The following SYNE1 variants were observed in gnomAD, a reference collection of about 807,000 sequenced individuals.
SYNE1 encodes spectrin repeat containing nuclear envelope protein 1, also known as nesprin-1.
Under a neutral mutation model 1,111.0 loss-of-function variants are expected in SYNE1, and 616 were observed. The ratio of observed to expected loss-of-function variants is 0.55; its 90% CI spans 0.52 to 0.59. The LOEUF is 0.59. Ranked by LOEUF, SYNE1 falls within the 20% of genes least tolerant of loss-of-function variation. The pLI is 0.00. For missense variants in SYNE1, 10,006 were observed against 10,417.0 expected (o/e 0.96, Z 1.72); for synonymous variants, 3,855 against 3,825.8 (o/e 1.01, Z -0.28).
intron 65 of SYNE1, 61 bp from the exon 66 acceptor site, chr6:152,358,598 G>C: frequency 6.5e-7 from 1 of 1,543,920 alleles, no homozygotes; most frequent in Non-Finnish European, 8.9e-7. Context: ...GCATCAGTGT[G>C]CTGTAATTCA....
chr6:152,327,613 G>A (rs936390802), intron 78 of SYNE1, among the ~76,000 whole-genome samples: 1 of 152,154 alleles, frequency 6.6e-6, no homozygotes, highest in Admixed American at 6.5e-5. Flanking sequence ...AAAGAACAGG[G>A]ACAGCAAAGC....
At chr6:152,235,195 A>G (rs1351856030) in intron 110 of SYNE1, among the ~76,000 whole-genome samples, 2 of 152,020 alleles carry the variant, frequency 1.3e-5, no homozygotes, top group Non-Finnish European at 2.9e-5. Context: ...TTCTCAATCC[A>G]TGTTTTCTCT....
At position 152,404,322 on chromosome 6, in the gene SYNE1, A is replaced by G. The variant is rs1295063082; in HGVS notation, c.6724-8T>C. On this transcript the variant is annotated splice_polypyrimidine_tract_variant and splice_region_variant and intron_variant, in intron 45 of 145. Transcript: ENST00000367255. ...TTTGTTTTTAACTTCAGACTGCCAA[A>G]AGGGAAGAAACATAACTAATCAAAA... 2 of 1,597,772 alleles carry G rather than the reference A, an allele frequency of 1.3e-6. No homozygotes were observed. Among genetic ancestry groups the G allele is most frequent in the Non-Finnish European group, 1.7e-6 (2 of 1,167,244 alleles).
intron 64 of SYNE1, among the ~76,000 whole-genome samples, chr6:152,360,539 A>G (rs1273507451): frequency 1.3e-5 from 2 of 151,414 alleles, no homozygotes; most frequent in African/African-American, 4.9e-5. Context: ...CTCACACCAC[A>G]CTACTTTTTT....
At chr6:152,192,380 T>C (rs919072747) in intron 127 of SYNE1, among the ~76,000 whole-genome samples, 5 of 152,144 alleles carry the variant, frequency 3.3e-5, no homozygotes, top group African/African-American at 1.2e-4. Context: ...TTGGGTCTAA[T>C]GTCTCTCTTT....
intron 13 of SYNE1, 66 bp from the exon 14 acceptor site, chr6:152,483,315 C>A: frequency 7.4e-7 from 1 of 1,347,786 alleles, no homozygotes. Context: ...AAATTGCACC[C>A]AAATAATAGT....
Position 152,483,231 on chromosome 6 carries a change from G to C in SYNE1, c.1204C>G (p.Gln402Glu). 1 of 1,614,128 alleles carries C rather than the reference G, an allele frequency of 6.2e-7. No individual in the cohort carries two copies. Among genetic ancestry groups the C allele is most frequent in the Non-Finnish European group, 8.5e-7 (1 of 1,179,986 alleles). The change falls in exon 14 of 146, where the codon CAG (glutamine) becomes GAG (glutamate). Residue 402 changes from glutamine to glutamate, a missense_variant. This residue lies in a region of SYNE1 where 1,971 missense variants were observed against 2,084.1 expected (regional missense o/e 0.95). Transcript: ENST00000367255. Reference sequence around the variant, plus strand: ...GGTGCAGGAAGAGATTTATCAAGCTGTATATGCCAGTCAAAGAGCTAAAAT... The same window carrying C: ...GGTGCAGGAAGAGATTTATCAAGCTCTATATGCCAGTCAAAGAGCTAAAAT... Reference protein sequence around the residue: ...VTSRLFDWHIQLDKSLPAPLG... With the variant: ...VTSRLFDWHIELDKSLPAPLG...
intron 3 of SYNE1, among the ~76,000 whole-genome samples, chr6:152,571,570 TA>T (rs1339321737): frequency 6.6e-6 from 1 of 151,638 alleles, no homozygotes; most frequent in Non-Finnish European, 1.5e-5. Flanking sequence ...CTTTTTACCC[TA>T]AAAAAAAGGA....
At chr6:152,296,821 T>C (rs541076622) in intron 93 of SYNE1, among the ~76,000 whole-genome samples, 33 of 152,324 alleles carry the variant, frequency 2.2e-4, no homozygotes, top group East Asian at 1.7e-3. Flanking sequence ...AGAGGAGACA[T>C]TGCCTCATTT....
At chr6:152,455,774 A>G in intron 23 of SYNE1, 112 bp downstream of exon 23, 3 of 1,487,718 alleles carry the variant, frequency 2.0e-6, no homozygotes, top group Non-Finnish European at 2.8e-6. Context: ...ATTGGCTTCC[A>G]AACACCAGCA....
chr6:152,430,728 A>C lies in SYNE1; in HGVS notation c.4462-19T>G. 1 of 1,609,064 alleles carries C rather than the reference A, an allele frequency of 6.2e-7. No homozygotes were observed. Among genetic ancestry groups the C allele is most frequent in the Non-Finnish European group, 8.5e-7 (1 of 1,175,746 alleles). On this transcript the variant is annotated intron_variant, in intron 34 of 145. Coordinates refer to ENST00000367255, the MANE Select transcript of SYNE1 (RefSeq NM_182961.4). Reference sequence around the variant, plus strand: ...TTGTGACCTAATAGTTAAAACAAGAAAAATGACAATGTAGGCTGAGCAAGC... The same window carrying C: ...TTGTGACCTAATAGTTAAAACAAGACAAATGACAATGTAGGCTGAGCAAGC...
Position 152,293,669 on chromosome 6 carries a change from C to T in SYNE1, c.17931G>A (p.Thr5977=), listed in dbSNP as rs761522466. 8.1e-6 allele frequency: 13 copies of T among 1,613,928 alleles called. No homozygotes were observed. Among genetic ancestry groups the T allele is most frequent in the African/African-American group, 2.7e-5 (2 of 74,910 alleles). Residue 5977 remains threonine (T), a synonymous_variant, in exon 95 of 146, where the codon ACG becomes ACA. Coordinates refer to ENST00000367255, the MANE Select transcript of SYNE1 (RefSeq NM_182961.4). ...GTTTCAGCTCAATGGCCTCCATCTT[C>T]GTAGAGATGGACTGGAGGGAGTCCT... The part of the protein sequence containing the change: ...KYQDSLQSIS[T]KMEAIELKLS...
At chr6:152,352,992 T>C (rs2096768658) in intron 69 of SYNE1, among the ~76,000 whole-genome samples, 1 of 152,228 alleles carries the variant, frequency 6.6e-6, no homozygotes. Context: ...GAGAAAGTTT[T>C]CTCTTAATAT....
At chr6:152,532,646 G>T (rs755278005) in intron 4 of SYNE1, among the ~76,000 whole-genome samples, 3 of 152,094 alleles carry the variant, frequency 2.0e-5, no homozygotes, top group Non-Finnish European at 2.9e-5. Flanking sequence ...CATGTAGGGA[G>T]GTCTCAAGGC....
At chr6:152,562,161 T>G (rs112007706) in intron 3 of SYNE1, among the ~76,000 whole-genome samples, 2,843 of 152,092 alleles carry the variant, frequency 0.019, 96 homozygotes, top group African/African-American at 0.065. Flanking sequence ...ACCACACAAT[T>G]GATAAGGGAT....
At chr6:152,264,314 G>A (rs144008461) in intron 100 of SYNE1, among the ~76,000 whole-genome samples, 14 of 149,852 alleles carry the variant, frequency 9.3e-5, no homozygotes, top group East Asian at 3.9e-4. Context: ...AACTAAAACC[G>A]TGTCATCTAA....
At chr6:152,571,686 C>T (rs1350020021) in intron 3 of SYNE1, among the ~76,000 whole-genome samples, 2 of 152,090 alleles carry the variant, frequency 1.3e-5, no homozygotes, top group Non-Finnish European at 2.9e-5. Flanking sequence ...AAATGGGTCT[C>T]AGGAAACAAA....
intron 29 of SYNE1, among the ~76,000 whole-genome samples, chr6:152,447,234 T>C (rs2098600633): frequency 6.6e-6 from 1 of 152,238 alleles, no homozygotes; most frequent in Non-Finnish European, 1.5e-5. Flanking sequence ...ATTTCAGATA[T>C]AGGTCATGAA....
rs770408981 is a variant in SYNE1 at position 152,441,214 on chromosome 6, G to A, written c.4065C>T (p.Tyr1355=). Residue 1355 remains tyrosine, a synonymous_variant, in exon 32 of 146, where the codon TAC becomes TAT. Transcript: ENST00000367255. ...FETNKETVVR[Y]LFQTGSSHER... ...CATGACTGGAACCTGTTTGAAAAAG[G>A]TATCTTACTACTGTTTCTTTGTTTG... The A allele has an allele frequency of 1.2e-6, 2 of 1,612,586 alleles. No homozygotes were observed. Among genetic ancestry groups the A allele is most frequent in the Non-Finnish European group, 1.7e-6 (2 of 1,179,120 alleles).
Sources: gnomAD v4.1 joint callset for allele counts (sites outside exome capture counted in the v4.1 genomes callset) on GRCh38, gnomAD v4.1.1 for gene constraint, gnomAD v4.1.1 regional missense constraint, MANE v1.5 for transcripts, NCBI Gene and HGNC (gene_info 2026-07-23, HGNC 2026-07-21) for gene names.